Variants in FAM151B observed in about 807,000 individuals in gnomAD.
FAM151B encodes protein FAM151B.
FAM151B carries 24 observed loss-of-function variants against 31.2 expected under a neutral mutation model. The ratio of observed to expected loss-of-function variants is 0.77; its 90% CI spans 0.56 to 1.08. The LOEUF is 1.08. FAM151B is among the 50% of genes least tolerant of loss of function. The pLI is 0.00. For synonymous variants in FAM151B, 105 were observed against 111.4 expected (o/e 0.94, Z 0.36); for missense variants, 293 against 328.6 (o/e 0.89, Z 0.84).
intron 2 of FAM151B, among the ~76,000 whole-genome samples, chr5:80,512,461 G>A (rs906122672): frequency 7.9e-5 from 12 of 152,092 alleles, no homozygotes; most frequent in African/African-American, 2.9e-4. Flanking sequence ...TGTTTTCATA[G>A]GTTTCTCAAA....
chr5:80,511,532 C>A (rs1744187816), intron 2 of FAM151B, among the ~76,000 whole-genome samples: 1 of 151,352 alleles, frequency 6.6e-6, no homozygotes, highest in African/African-American at 2.4e-5. Context: ...GTGCGATTAC[C>A]TGTCATCTAT....
chr5:80,519,848 T>G lies in FAM151B; in HGVS notation c.473T>G (p.Phe158Cys). 6.2e-7 allele frequency: 1 copy of G among 1,614,160 alleles called. No homozygotes were observed. The highest frequency in any genetic ancestry group is 1.1e-5 in the South Asian group (1 of 91,080). Residue 158 changes from phenylalanine (F) to cysteine (C), a missense_variant, in exon 4 of 6, where the codon TTT becomes TGT. Transcript: ENST00000282226. ...KPFLDTVISF[F>C]PDVTFSLGWT... ...TTTTTAGACACCGTGATATCCTTCT[T>G]TCCAGACGTGACGTTTTCCCTGGGT...
At chr5:80,489,601 C>G (rs1743237689) in intron 1 of FAM151B, among the ~76,000 whole-genome samples, 1 of 152,176 alleles carries the variant, frequency 6.6e-6, no homozygotes. Context: ...TGAAAAATGT[C>G]CAATTGCTGA....
chr5:80,488,257 G>A, intron 1 of FAM151B, 109 bp downstream of exon 1: 1 of 1,348,468 alleles, frequency 7.4e-7, no homozygotes, highest in South Asian at 1.4e-5. Flanking sequence ...TAGGGACCTG[G>A]GAGCGCGCCG....
intron 1 of FAM151B, among the ~76,000 whole-genome samples, chr5:80,492,109 C>G (rs1467259081): frequency 6.6e-6 from 1 of 151,954 alleles, no homozygotes; most frequent in East Asian, 1.9e-4. Flanking sequence ...GTGGTGGATA[C>G]ATGCCATTGT....
chr5:80,495,723 G>A (rs571754900), intron 1 of FAM151B, among the ~76,000 whole-genome samples: 6 of 151,082 alleles, frequency 4.0e-5, no homozygotes, highest in South Asian at 2.1e-4. Context: ...CCAGCCACTC[G>A]GGTGGCTGAG....
At chr5:80,503,039 T>C (rs1374398337) in intron 2 of FAM151B, among the ~76,000 whole-genome samples, 1 of 152,144 alleles carries the variant, frequency 6.6e-6, no homozygotes, top group African/African-American at 2.4e-5. Context: ...TTTTCTAGAA[T>C]TAGAGAGTGG....
In FAM151B at chr5:80,509,195, T is replaced by G. The variant is rs142674409; in HGVS notation, c.152-4409T>G. 8.9e-4 allele frequency among the ~76,000 whole-genome samples: 135 copies of G among 151,950 alleles called. 1 individual carries two copies. The highest frequency in any genetic ancestry group is 3.1e-3 in the African/African-American group (130 of 41,434). On this transcript the variant is annotated intron_variant, in intron 2 of 5. Transcript: ENST00000282226. ...GGTCTCGCTATGTTGCCCAGGCTGG[T>G]CTTGAACTCCTATGCTCAAGTGATC...
intron 5 of FAM151B, among the ~76,000 whole-genome samples, chr5:80,527,386 G>A (rs556399004): frequency 4.9e-4 from 75 of 151,666 alleles, no homozygotes; most frequent in African/African-American, 1.8e-3. Context: ...TCATGCCACT[G>A]CACTTCAGCC....
At chr5:80,510,773 A>G (rs1744148251) in intron 2 of FAM151B, 1 of 152,240 alleles carries the variant, frequency 6.6e-6, no homozygotes. Flanking sequence ...TGGCAGTGAC[A>G]AAAACTTCAG....
At chr5:80,500,547 G>T in intron 1 of FAM151B, 1 of 756,594 alleles carries the variant, frequency 1.3e-6, no homozygotes, top group Non-Finnish European at 2.4e-6. Flanking sequence ...TGAATGGCAA[G>T]GATGGCGAGA....
chr5:80,524,830 A>C (rs1304409636), intron 5 of FAM151B, among the ~76,000 whole-genome samples: 2 of 152,068 alleles, frequency 1.3e-5, no homozygotes, highest in Non-Finnish European at 2.9e-5. Flanking sequence ...GTTCCTAATA[A>C]TTTTTTTATT....
chr5:80,520,702 T>A (rs913633892), intron 4 of FAM151B, among the ~76,000 whole-genome samples: 5 of 119,162 alleles, frequency 4.2e-5, no homozygotes, highest in African/African-American at 2.1e-4. Flanking sequence ...ATATATATAT[T>A]TATTTATTAT....
intron 5 of FAM151B, among the ~76,000 whole-genome samples, chr5:80,523,198 A>G (rs1744796913): frequency 6.6e-6 from 1 of 152,184 alleles, no homozygotes; most frequent in Admixed American, 6.5e-5. Flanking sequence ...CACAAAACCC[A>G]GAAGCCTGTA....
intron 2 of FAM151B, chr5:80,505,793 G>C (rs1270055300): frequency 8.9e-6 from 1 of 112,940 alleles, no homozygotes; most frequent in Non-Finnish European, 1.6e-5. Context: ...GTCTCGCACT[G>C]TCATCTGGGC....
At chr5:80,510,301 T>C (rs952672668) in intron 2 of FAM151B, among the ~76,000 whole-genome samples, 1 of 152,202 alleles carries the variant, frequency 6.6e-6, no homozygotes, top group Non-Finnish European at 1.5e-5. Context: ...TAATGCTCTC[T>C]GTCAGATAGG....
chr5:80,516,184 C>T (rs990890923), intron 3 of FAM151B, among the ~76,000 whole-genome samples: 2 of 152,086 alleles, frequency 1.3e-5, no homozygotes, highest in African/African-American at 2.4e-5. Flanking sequence ...ATTAGCTGGA[C>T]GTGGTGGCAC....
chr5:80,493,819 C>T (rs976393964), intron 1 of FAM151B, among the ~76,000 whole-genome samples: 1 of 152,162 alleles, frequency 6.6e-6, no homozygotes, highest in Non-Finnish European at 1.5e-5. Context: ...AGACCCTCAT[C>T]AGTAATTCTA....
At chr5:80,524,634 A>G (rs1744875181) in intron 5 of FAM151B, among the ~76,000 whole-genome samples, 1 of 152,162 alleles carries the variant, frequency 6.6e-6, no homozygotes, top group South Asian at 2.1e-4. Flanking sequence ...TTGAGATAGG[A>G]AGGAAAAGTC....
Sources: allele counts gnomAD v4.1 joint callset (sites outside exome capture counted in the v4.1 genomes callset), GRCh38; gene constraint gnomAD v4.1.1; transcripts MANE v1.5; gene names NCBI Gene and HGNC (gene_info 2026-07-23, HGNC 2026-07-21).